Variants in DLGAP2 observed in about 807,000 individuals in gnomAD.
DLGAP2 encodes disks large-associated protein 2.
DLGAP2 carries 26 observed loss-of-function variants against 100.3 expected under a neutral mutation model. The observed-to-expected ratio is 0.26, with a 90% CI of 0.19 to 0.36. The LOEUF (loss-of-function observed/expected upper bound fraction) is 0.36. Ranked by LOEUF, DLGAP2 falls within the 10% of genes least tolerant of loss-of-function variation. The pLI is 1.00. For missense variants in DLGAP2, 1,858 were observed against 1,453.2 expected (o/e 1.28, Z -4.53); for synonymous variants, 886 against 630.1 (o/e 1.41, Z -6.08).
intron 2 of DLGAP2, among the ~76,000 whole-genome samples, chr8:1,169,121 C>A (rs1488623905): frequency 2.0e-5 from 3 of 150,296 alleles, no homozygotes; most frequent in African/African-American, 7.4e-5. Context: ...TTTCCCAGCA[C>A]CATTTATTAA....
At chr8:1,121,597 C>A (rs1361012739) in intron 2 of DLGAP2, among the ~76,000 whole-genome samples, 1 of 152,078 alleles carries the variant, frequency 6.6e-6, no homozygotes, top group East Asian at 1.9e-4. Flanking sequence ...CATCCTCTTT[C>A]CTTCAGAACC....
At chr8:1,332,976 G>A (rs528404282) in intron 3 of DLGAP2, among the ~76,000 whole-genome samples, 9 of 152,294 alleles carry the variant, frequency 5.9e-5, no homozygotes, top group Admixed American at 2.0e-4. Flanking sequence ...GCATGTGGCC[G>A]CCTCGTCAGG....
chr8:1,088,850 A>AGG (rs1804070466), intron 2 of DLGAP2, among the ~76,000 whole-genome samples: 1 of 11,938 alleles, frequency 8.4e-5, no homozygotes, highest in African/African-American at 3.3e-4. Flanking sequence ...CGCTCCCCCC[A>AGG]CCCCACTCTC....
intron 3 of DLGAP2, among the ~76,000 whole-genome samples, chr8:1,296,366 C>G (rs995508118): frequency 2.0e-5 from 3 of 152,258 alleles, no homozygotes; most frequent in South Asian, 2.1e-4. Flanking sequence ...TTTAATCTCC[C>G]TGGCACGCTG....
intron 1 of DLGAP2, among the ~76,000 whole-genome samples, chr8:866,716 C>A (rs868898): frequency 0.13 from 19,060 of 152,232 alleles, 1,456 homozygotes; most frequent in Admixed American, 0.18. Context: ...AATACTTTCC[C>A]AGACGCTGTG....
chr8:943,235 C>T (rs1403558365), intron 2 of DLGAP2, among the ~76,000 whole-genome samples: 2 of 152,130 alleles, frequency 1.3e-5, no homozygotes, highest in African/African-American at 2.4e-5. Context: ...CTTTTCCAGG[C>T]AGCCTTTCTA....
chr8:1,261,904 G>T (rs1051852669), intron 3 of DLGAP2, among the ~76,000 whole-genome samples: 6 of 152,212 alleles, frequency 3.9e-5, no homozygotes, highest in African/African-American at 1.2e-4. Context: ...GAAATGACCA[G>T]CCAGAGGCTG....
chr8:1,459,277 T>C lies in DLGAP2; in HGVS notation c.107-42089T>C, dbSNP rs199970302. 1.2e-3 allele frequency among the ~76,000 whole-genome samples: 48 copies of C among 39,540 alleles called. 3 individuals carry two copies. In the East Asian group the frequency reaches 0.016, roughly 13 times the overall value. The allele number at this position is 39,540 out of a possible 152,430, so 25.9% of individuals were successfully genotyped here. On this transcript the variant is annotated intron_variant, in intron 3 of 14. Transcript: ENST00000637795. The stretch of plus-strand genomic sequence containing the variant: ...GCCAGCTGGTTTACATGCATATACC[T>C]GAGGTGTCACCCTACAAGACCAGCG...
intron 3 of DLGAP2, among the ~76,000 whole-genome samples, chr8:1,415,953 G>C (rs543117954): frequency 3.9e-5 from 6 of 152,306 alleles, no homozygotes; most frequent in East Asian, 1.9e-4. Flanking sequence ...GTCATTTCAT[G>C]ACTAAAAGAA....
At chr8:968,185 C>T (rs1165347310) in intron 2 of DLGAP2, among the ~76,000 whole-genome samples, 1 of 152,016 alleles carries the variant, frequency 6.6e-6, no homozygotes, top group Non-Finnish European at 1.5e-5. Flanking sequence ...GAATATCTGA[C>T]TTTTACTGAA....
chr8:1,188,085 A>G (rs1033255124), intron 2 of DLGAP2, among the ~76,000 whole-genome samples: 1 of 131,006 alleles, frequency 7.6e-6, no homozygotes, highest in Non-Finnish European at 1.6e-5. Flanking sequence ...CGTTTGCCTC[A>G]TGGAATCTCA....
At chr8:1,486,339 C>T (rs1029226888) in intron 3 of DLGAP2, among the ~76,000 whole-genome samples, 13 of 152,154 alleles carry the variant, frequency 8.5e-5, no homozygotes, top group Admixed American at 6.5e-5. Context: ...CAGGTGGGGC[C>T]GGAAGTCTGT....
At chr8:1,676,219 C>T (rs1353613473) in intron 10 of DLGAP2, among the ~76,000 whole-genome samples, 1 of 152,160 alleles carries the variant, frequency 6.6e-6, no homozygotes, top group Non-Finnish European at 1.5e-5. Flanking sequence ...CTTTTAAGTC[C>T]TGTTATAATG....
At chr8:908,631 G>T (rs189514577) in intron 2 of DLGAP2, among the ~76,000 whole-genome samples, 1 of 152,310 alleles carries the variant, frequency 6.6e-6, no homozygotes, top group Admixed American at 6.5e-5. Context: ...ATCAGTCAGG[G>T]CTTGTTATCC....
At chr8:839,364 G>C (rs2132713577) in intron 1 of DLGAP2, among the ~76,000 whole-genome samples, 1 of 152,286 alleles carries the variant, frequency 6.6e-6, no homozygotes, top group South Asian at 2.1e-4. Flanking sequence ...GATAAAATGT[G>C]CTGATATAGA....
intron 3 of DLGAP2, among the ~76,000 whole-genome samples, chr8:1,310,951 CATTAA>C (rs765817245): frequency 1.2e-4 from 18 of 151,612 alleles, no homozygotes; most frequent in East Asian, 3.9e-4. Flanking sequence ...AAAAAGAGAT[CATTAA>C]ATTAAATTCA....
At chr8:777,678 C>T (rs1585852124) in intron 1 of DLGAP2, among the ~76,000 whole-genome samples, 2 of 152,072 alleles carry the variant, frequency 1.3e-5, no homozygotes, top group East Asian at 3.9e-4. Context: ...GAATATTGGC[C>T]CCCACTCTCT....
intron 2 of DLGAP2, among the ~76,000 whole-genome samples, chr8:1,093,696 T>G (rs938265238): frequency 6.6e-5 from 10 of 151,692 alleles, no homozygotes; most frequent in African/African-American, 2.4e-4. Flanking sequence ...CAGAAACAAC[T>G]TCACACCAAC....
intron 2 of DLGAP2, among the ~76,000 whole-genome samples, chr8:1,008,086 T>G (rs1801173418): frequency 6.6e-6 from 1 of 152,232 alleles, no homozygotes; most frequent in Non-Finnish European, 1.5e-5. Flanking sequence ...TAAAGTATTT[T>G]CTTTTTCATC....
Sources: allele counts gnomAD v4.1 joint callset (sites outside exome capture counted in the v4.1 genomes callset), GRCh38; gene constraint gnomAD v4.1.1; transcripts MANE v1.5; gene names NCBI Gene and HGNC (gene_info 2026-07-23, HGNC 2026-07-21).